Variants in CKMT2 observed in about 807,000 individuals in gnomAD.
CKMT2 encodes the protein creatine kinase S-type, mitochondrial.
CKMT2 carries 43 observed loss-of-function variants against 48.9 expected under a neutral mutation model. The ratio of observed to expected loss-of-function variants is 0.88; its 90% confidence interval spans 0.69 to 1.13. CKMT2 has a LOEUF of 1.13. Ranked by LOEUF, CKMT2 falls within the 50% of genes most tolerant of loss-of-function variation. CKMT2 has a pLI of 0.00. For synonymous variants in CKMT2, 206 were observed against 213.0 expected, an observed-to-expected ratio of 0.97 and a Z score of 0.29; for missense variants, 472 against 555.4, an observed-to-expected ratio of 0.85 and a Z score of 1.51.
chr5:81,257,870 T>C lies in CKMT2; in HGVS notation c.879+14T>C. On this transcript the variant is annotated intron_variant, in intron 7 of 9. Coordinates refer to ENST00000254035, the MANE Select transcript of CKMT2 (RefSeq NM_001099735.2). ...GGACTAAAAGAAGTAAGATGTTATC[T>C]GAGATTTCTGGATATTTATTAAAAT... 6.2e-7 allele frequency: 1 copy of C among 1,603,756 alleles called. No homozygotes were observed. The highest frequency in any genetic ancestry group is 8.5e-7 in the Non-Finnish European group (1 of 1,174,228).
At chr5:81,234,045 A>C (rs985574722) in intron 1 of CKMT2, among the ~76,000 whole-genome samples, 4 of 134,308 alleles carry the variant, frequency 3.0e-5, no homozygotes, top group Non-Finnish European at 6.4e-5. Context: ...AAAAAAAAAA[A>C]ACCTATGGAA....
chr5:81,246,556 C>T (rs1340953900), intron 1 of CKMT2, among the ~76,000 whole-genome samples: 1 of 152,148 alleles, frequency 6.6e-6, no homozygotes, highest in Non-Finnish European at 1.5e-5. Context: ...AATTAGAAGC[C>T]CCCACAGGAG....
intron 6 of CKMT2, 44 bp downstream of exon 6, chr5:81,257,044 G>C: frequency 6.6e-7 from 1 of 1,523,942 alleles, no homozygotes; most frequent in African/African-American, 1.4e-5. Flanking sequence ...TGTAGAGGAT[G>C]TTTTTGAGAT....
chr5:81,255,065 C>T lies in CKMT2; in HGVS notation c.520C>T (p.Leu174=), dbSNP rs1305695009. Residue 174 remains leucine (L), a synonymous_variant, in exon 5 of 10, where the codon CTG becomes TTG. Coordinates refer to ENST00000254035, the MANE Select transcript of CKMT2 (RefSeq NM_001099735.2). ...GCGCACTGGCCGCAGCATCCGTGGG[C>T]TGAGCCTGCCTCCAGCCTGCACCCG... ...RVRTGRSIRG[L]SLPPACTRAE... The T allele has an allele frequency of 5.6e-6, 9 of 1,613,998 alleles. No individual in the cohort carries two copies. The highest frequency in any genetic ancestry group is 1.7e-4 in the Middle Eastern group (1 of 6,060).
chr5:81,241,007 A>G (rs755198245), intron 1 of CKMT2, among the ~76,000 whole-genome samples: 9 of 152,250 alleles, frequency 5.9e-5, no homozygotes, highest in Admixed American at 5.2e-4. Flanking sequence ...TCATTCACTT[A>G]CTCATCAGAC....
chr5:81,243,800 G>A (rs568872927), intron 1 of CKMT2, among the ~76,000 whole-genome samples: 1 of 152,008 alleles, frequency 6.6e-6, no homozygotes, highest in Non-Finnish European at 1.5e-5. Flanking sequence ...AGTGATTCTC[G>A]TGCCTCAGCC....
chr5:81,259,390 TAA>T lies in CKMT2; in HGVS notation c.1014+137_1014+138del, dbSNP rs931564916. The T allele has an allele frequency of 7.9e-6, 6 of 764,324 alleles. No individual in the cohort carries two copies. In the African/African-American group the frequency reaches 8.9e-5, roughly 11 times the overall value. The allele number at this position is 764,324 out of a possible 1,614,324, so 47.3% of individuals were successfully genotyped here. ...TACAATATAAAAATAAGAAAAAAATTAAGTTTGCCTCCAAAGACATTTGTATT... is the reference window on the plus strand; with the variant it reads ...TACAATATAAAAATAAGAAAAAAATTGTTTGCCTCCAAAGACATTTGTATT... On this transcript the variant is annotated intron_variant, in intron 8 of 9. Transcript: ENST00000254035.
Position 81,233,374 on chromosome 5 carries a change from C to A in CKMT2, c.-24C>A. The A allele has an allele frequency of 1.0e-6, 1 of 985,780 alleles. No individual in the cohort carries two copies. The highest frequency in any genetic ancestry group is 1.2e-6 in the Non-Finnish European group (1 of 830,198). 61.1% of individuals were successfully genotyped at this position (985,780 alleles called of 1,614,324 possible). On this transcript the variant is annotated 5_prime_UTR_variant, in exon 1 of 10. Transcript: ENST00000254035. ...AGCAGGACGTGGGAGGCTCCGGCTT[C>A]AAGGTCGGTGAGTCCGTGAAACTCT...
chr5:81,253,152 A>G (rs1277366531), intron 3 of CKMT2, among the ~76,000 whole-genome samples: 1 of 152,186 alleles, frequency 6.6e-6, no homozygotes, highest in East Asian at 1.9e-4. Flanking sequence ...TGCATGACAG[A>G]ACTCTGAGCT....
chr5:81,240,161 A>C (rs1234652768), intron 1 of CKMT2, among the ~76,000 whole-genome samples: 10 of 151,894 alleles, frequency 6.6e-5, no homozygotes, highest in Admixed American at 4.6e-4. Context: ...GCCTGTAGTG[A>C]GTGGTGTTCC....
intron 1 of CKMT2, chr5:81,242,558 A>T: frequency 2.4e-6 from 1 of 417,998 alleles, no homozygotes; most frequent in Non-Finnish European, 4.7e-6. Context: ...ACATAGGCTC[A>T]TCAGAATTGG....
intron 7 of CKMT2, among the ~76,000 whole-genome samples, chr5:81,258,573 C>T (rs1031207495): frequency 2.6e-5 from 4 of 152,092 alleles, no homozygotes; most frequent in South Asian, 4.1e-4. Context: ...TCCTCAACCC[C>T]GGGGCCACGG....
chr5:81,257,830 G>T lies in CKMT2; in HGVS notation c.853G>T (p.Glu285Ter). The change falls in exon 7 of 10, where the codon GAG becomes TAG. Residue 285 changes from glutamate (E) to a stop codon, truncating the protein, a stop_gained. Coordinates refer to ENST00000254035, the MANE Select transcript of CKMT2 (RefSeq NM_001099735.2). LOFTEE classifies it high-confidence loss of function. ...AGGAGGCAATATGAAACGAGTATTT[G>T]AGCGATTCTGTCGTGGACTAAAAGA... is the stretch of plus-strand genomic sequence containing the variant. ...EKGGNMKRVF[E>*]RFCRGLKEVE... 1 of 1,613,750 alleles carries T rather than the reference G, an allele frequency of 6.2e-7. No individual in the cohort carries two copies. Among genetic ancestry groups the T allele is most frequent in the South Asian group, 1.1e-5 (1 of 91,040 alleles).
chr5:81,243,842 A>G (rs553894437), intron 1 of CKMT2, among the ~76,000 whole-genome samples: 1 of 152,186 alleles, frequency 6.6e-6, no homozygotes, highest in South Asian at 2.1e-4. Flanking sequence ...GGCGCGTGCT[A>G]CCACACCTGG....
At chr5:81,245,137 A>G (rs1756565404) in intron 1 of CKMT2, 1 of 152,084 alleles carries the variant, frequency 6.6e-6, no homozygotes, top group African/African-American at 2.4e-5. Flanking sequence ...TGTAGGTCCA[A>G]AGTATGCCTG....
chr5:81,252,340 CATG>C (rs1756845710), intron 2 of CKMT2: 1 of 260,652 alleles, frequency 3.8e-6, no homozygotes, highest in Non-Finnish European at 7.4e-6. Flanking sequence ...CCTGAGGTGA[CATG>C]ACTTGTGTTT....
At chr5:81,252,981 T>A (rs887332068) in intron 3 of CKMT2, 88 bp downstream of exon 3, 15 of 1,412,340 alleles carry the variant, frequency 1.1e-5, no homozygotes. Context: ...TTCTTCTCTA[T>A]GGGGCCAACT....
chr5:81,266,392 T>A lies in CKMT2; in HGVS notation c.*134T>A. Reference sequence around the variant, plus strand: ...CCTATCTTTACAATAAAACTCTCCTTAATATATCTTTGCTTTGTTTCTCTG... The same window carrying A: ...CCTATCTTTACAATAAAACTCTCCTAAATATATCTTTGCTTTGTTTCTCTG... On this transcript the variant is annotated 3_prime_UTR_variant, in exon 10 of 10. Transcript: ENST00000254035. 1 of 767,120 alleles carries A rather than the reference T, an allele frequency of 1.3e-6. No individual in the cohort carries two copies. Among genetic ancestry groups the A allele is most frequent in the Non-Finnish European group, 2.0e-6 (1 of 497,714 alleles). The allele number at this position is 767,120 out of a possible 1,614,324, so 47.5% of individuals were successfully genotyped here.
chr5:81,256,186 C>A (rs1359928164), intron 5 of CKMT2, among the ~76,000 whole-genome samples: 1 of 151,892 alleles, frequency 6.6e-6, no homozygotes, highest in African/African-American at 2.4e-5. Flanking sequence ...AAAAAAAAGT[C>A]TTGACTTTAA....
Sources: allele counts gnomAD v4.1 joint callset (sites outside exome capture counted in the v4.1 genomes callset), GRCh38; gene constraint gnomAD v4.1.1; transcripts MANE v1.5; gene names NCBI Gene and HGNC (gene_info 2026-07-23, HGNC 2026-07-21).